The following AGO3 variants were observed in gnomAD, a reference collection of about 807,000 sequenced individuals.
The protein encoded by AGO3 is argonaute RISC catalytic component 3, also known as protein argonaute-3.
A neutral mutation model predicts 105.5 loss-of-function variants in AGO3; 16 were observed. That is an observed-to-expected ratio of 0.15 (90% CI 0.10 to 0.23). The LOEUF is 0.23. Among genes scored for constraint, AGO3 ranks in the 10% least tolerant of loss-of-function variants. The pLI is 1.00. For synonymous variants in AGO3, 340 were observed against 367.3 expected, an observed-to-expected ratio of 0.93 and a Z score of 0.85; for missense variants, 534 against 1,088.0, an observed-to-expected ratio of 0.49 and a Z score of 7.16.
rs1441979703 is a variant in AGO3 at position 36,057,348 on chromosome 1, ATATG to A, written c.*1609_*1612del. On this transcript the variant is annotated 3_prime_UTR_variant, in exon 19 of 19. Transcript: ENST00000373191. Reference sequence around the variant, plus strand: ...ATTTTCATATATTTTTTATATATATATATGTATGTGTGTGTATATAAACACATAT... The same window carrying A: ...ATTTTCATATATTTTTTATATATATATATGTGTGTGTATATAAACACATAT... The A allele has an allele frequency of 6.6e-6, 1 of 151,830 alleles. No homozygotes were observed. The highest frequency in any genetic ancestry group is 1.5e-5 in the Non-Finnish European group (1 of 67,966). The allele number at this position is 151,830 out of a possible 1,614,324, so 9.4% of individuals were successfully genotyped here. A position where few individuals can be genotyped will look rare whatever the true frequency, so the allele number is the denominator to read the frequency against.
rs1402964562 is a variant in AGO3, at chr1:36,069,097, T to C, written c.*13352T>C. 1.3e-5 allele frequency: 2 copies of C among 152,268 alleles called. No homozygotes were observed. The allele number at this position is 152,268 out of a possible 1,614,324, so 9.4% of individuals were successfully genotyped here. A position where few individuals can be genotyped will look rare whatever the true frequency, so the allele number is the denominator to read the frequency against. On this transcript the variant is annotated 3_prime_UTR_variant, in exon 19 of 19. Coordinates refer to ENST00000373191, the MANE Select transcript of AGO3 (RefSeq NM_024852.4). ...TAATACCTGTCCTCACCTACCTCAC[T>C]AAATTGTTGGAGTTCTTTTGTTCTG... is the stretch of plus-strand genomic sequence containing the variant.
chr1:36,039,853 C>T lies in AGO3; in HGVS notation c.1906C>T (p.Arg636Ter), dbSNP rs1481855321. ...YCATVRVQRPRQEIIQDLASM... is the reference protein window; with the variant it reads ...YCATVRVQRP ...TGCCACAGTAAGAGTTCAGAGACCC[C>T]GACAGGAGATCATCCAGGACTTGGC... is the stretch of plus-strand genomic sequence containing the variant. The change falls in exon 15 of 19, where the codon CGA becomes TGA. Residue 636 changes from arginine to a stop codon, truncating the protein, a stop_gained. Coordinates refer to ENST00000373191, the MANE Select transcript of AGO3 (RefSeq NM_024852.4). LOFTEE classifies it high-confidence loss of function. 1 of 1,613,698 alleles carries T rather than the reference C, an allele frequency of 6.2e-7. No homozygotes were observed. The highest frequency in any genetic ancestry group is 8.5e-7 in the Non-Finnish European group (1 of 1,179,906).
intron 1 of AGO3, among the ~76,000 whole-genome samples, chr1:35,933,263 A>G (rs987059034): frequency 6.6e-6 from 1 of 152,208 alleles, no homozygotes; most frequent in Admixed American, 6.5e-5. Flanking sequence ...GTCATCAGAA[A>G]CAAAATTTTC....
Position 36,007,694 on chromosome 1 carries a change from A to C in AGO3, c.794-996A>C, listed in dbSNP as rs188312713. ...CTGGGCAACAAGAGCAAAAAACTAA[A>C]AAAAAAAAACCTAAATAAAATTAAA... On this transcript the variant is annotated intron_variant, in intron 6 of 18. Transcript: ENST00000373191. Among the ~76,000 whole-genome samples, 1,251 of 152,100 alleles carry C rather than the reference A, an allele frequency of 8.2e-3. 18 individuals are homozygous for C. Among genetic ancestry groups the C allele is most frequent in the African/African-American group, 0.028 (1,172 of 41,514 alleles).
chr1:36,034,115 T>C (rs1641905135), intron 12 of AGO3, 59 bp from the exon 13 acceptor site: 2 of 1,413,794 alleles, frequency 1.4e-6, no homozygotes, highest in East Asian at 2.5e-5. Context: ...TTATTTTCAG[T>C]ATGTAAAATT....
chr1:35,943,952 G>A (rs1330636792), intron 1 of AGO3, among the ~76,000 whole-genome samples: 2 of 152,150 alleles, frequency 1.3e-5, no homozygotes, highest in African/African-American at 4.8e-5. Context: ...GTTTTAGTGT[G>A]TGTCAGAATT....
chr1:36,038,928 G>A (rs1183457155), intron 14 of AGO3, among the ~76,000 whole-genome samples: 3 of 152,152 alleles, frequency 2.0e-5, no homozygotes, highest in Non-Finnish European at 4.4e-5. Flanking sequence ...CTTAAGTATG[G>A]CTTCTGAGAT....
rs1300150328 is a variant in AGO3, at chr1:36,062,064, C to G, written c.*6319C>G. The G allele has an allele frequency of 6.6e-6, 1 of 151,962 alleles. No individual in the cohort carries two copies. The highest frequency in any genetic ancestry group is 1.5e-5 in the Non-Finnish European group (1 of 68,004). 9.4% of individuals were successfully genotyped at this position (151,962 alleles called of 1,614,324 possible). ...TCCATAATGCACATAAAACAGCAAA[C>G]CTACTTAACTTTTTAACAAGATTAT... On this transcript the variant is annotated 3_prime_UTR_variant, in exon 19 of 19. Transcript: ENST00000373191.
chr1:36,045,701 C>T (rs1028622036), intron 17 of AGO3, among the ~76,000 whole-genome samples: 2 of 151,946 alleles, frequency 1.3e-5, no homozygotes, highest in African/African-American at 2.4e-5. Flanking sequence ...TGCCACCACA[C>T]GCGGCTAATT....
At position 36,055,840 on chromosome 1, in the gene AGO3, A is replaced by G. The variant is rs904535937; in HGVS notation, c.*95A>G. The stretch of plus-strand genomic sequence containing the variant: ...AAGTCAATTGAGTAAGGACACCTCC[A>G]GCCATACAGAAACCAACACTGTGTG... On this transcript the variant is annotated 3_prime_UTR_variant, in exon 19 of 19. Transcript: ENST00000373191. The surrounding 1 kb of genome is among the most constrained non-coding windows in gnomAD (Gnocchi z 4.4). 8.1e-7 allele frequency: 1 copy of G among 1,232,812 alleles called. No homozygotes were observed. Among genetic ancestry groups the G allele is most frequent in the African/African-American group, 1.5e-5 (1 of 67,170 alleles). The allele number at this position is 1,232,812 out of a possible 1,614,324, so 76.4% of individuals were successfully genotyped here.
rs1417814370 is a variant in AGO3 at position 36,072,372 on chromosome 1, G to A, written c.*16627G>A. ...TTTTTCTGCCATTCTGCCTACTGGA[G>A]AGTTCTATGTTGTATTTGTTTTTAA... On this transcript the variant is annotated 3_prime_UTR_variant, in exon 19 of 19. Coordinates refer to ENST00000373191, the MANE Select transcript of AGO3 (RefSeq NM_024852.4). 6.6e-6 allele frequency: 1 copy of A among 152,188 alleles called. No individual in the cohort carries two copies. The highest frequency in any genetic ancestry group is 1.5e-5 in the Non-Finnish European group (1 of 68,036). The allele number at this position is 152,188 out of a possible 1,614,324, so 9.4% of individuals were successfully genotyped here. A position where few individuals can be genotyped will look rare whatever the true frequency, so the allele number is the denominator to read the frequency against.
At chr1:35,976,021 C>T (rs1378940507) in intron 5 of AGO3, among the ~76,000 whole-genome samples, 5 of 151,688 alleles carry the variant, frequency 3.3e-5, no homozygotes, top group African/African-American at 9.7e-5. Context: ...CAGCAACCTC[C>T]GCCTCCCAGG....
Position 36,027,309 on chromosome 1 carries a change from C to T in AGO3, c.1591+11C>T. 1 of 1,578,876 alleles carries T rather than the reference C, an allele frequency of 6.3e-7. No homozygotes were observed. The highest frequency in any genetic ancestry group is 1.1e-5 in the South Asian group (1 of 86,982). ...AGACACCAGTGTATGGTAAGGATAT[C>T]TTAAGACTGCATTTTTCCTCAAGTA... is the stretch of plus-strand genomic sequence containing the variant. On this transcript the variant is annotated intron_variant, in intron 12 of 18. Coordinates refer to ENST00000373191, the MANE Select transcript of AGO3 (RefSeq NM_024852.4). This position sits in a 1 kb window ranked among gnomAD's most constrained non-coding sequence, Gnocchi z 4.0.
chr1:35,969,175 A>G (rs1036488564), intron 3 of AGO3, among the ~76,000 whole-genome samples: 2 of 152,012 alleles, frequency 1.3e-5, no homozygotes, highest in Admixed American at 6.6e-5. Flanking sequence ...AAACTGATCA[A>G]TACCATTGTA....
intron 11 of AGO3, among the ~76,000 whole-genome samples, chr1:36,020,908 G>T (rs1294287420): frequency 1.3e-5 from 2 of 151,582 alleles, no homozygotes; most frequent in Middle Eastern, 3.5e-3. Context: ...TGAGCCACTT[G>T]CACCCAGCCT....
At chr1:35,963,306 C>G (rs974510973) in intron 2 of AGO3, among the ~76,000 whole-genome samples, 3 of 152,010 alleles carry the variant, frequency 2.0e-5, no homozygotes, top group Non-Finnish European at 4.4e-5. Context: ...AACAATGAAC[C>G]AAGTCACTGA....
intron 5 of AGO3, among the ~76,000 whole-genome samples, chr1:36,002,622 G>A (rs374502644): frequency 4.2e-5 from 6 of 143,260 alleles, no homozygotes; most frequent in East Asian, 4.2e-4. Flanking sequence ...GTGAGCCACC[G>A]TGCCCGGCCA....
At chr1:36,045,442 G>A (rs1642424325) in intron 17 of AGO3, among the ~76,000 whole-genome samples, 1 of 151,652 alleles carries the variant, frequency 6.6e-6, no homozygotes, top group Non-Finnish European at 1.5e-5. Context: ...GGCTGGTGTC[G>A]AACTCCTGAC....
At chr1:35,980,024 G>A (rs1054895744) in intron 5 of AGO3, among the ~76,000 whole-genome samples, 1 of 152,090 alleles carries the variant, frequency 6.6e-6, no homozygotes, top group Non-Finnish European at 1.5e-5. Context: ...AACTTTGAGT[G>A]TTGTGTTTTC....
Sources: allele counts gnomAD v4.1 joint callset (sites outside exome capture counted in the v4.1 genomes callset), GRCh38; gene constraint gnomAD v4.1.1; non-coding constraint Gnocchi (gnomAD v3.1); transcripts MANE v1.5; gene names NCBI Gene and HGNC (gene_info 2026-07-23, HGNC 2026-07-21).